Variants in PCDHA6 observed in about 807,000 individuals in gnomAD.
The protein encoded by PCDHA6 is protocadherin alpha-6.
A neutral mutation model predicts 60.3 loss-of-function variants in PCDHA6; 55 were observed. The observed-to-expected ratio is 0.91, with a 90% confidence interval of 0.73 to 1.14. The LOEUF (loss-of-function observed/expected upper bound fraction) is 1.14. Among genes scored for constraint, PCDHA6 ranks in the 50% most tolerant of loss-of-function variants. The pLI is 0.00. For synonymous variants in PCDHA6, 652 were observed against 557.9 expected, an observed-to-expected ratio of 1.17 and a Z score of -2.38; for missense variants, 1,327 against 1,256.5, an observed-to-expected ratio of 1.06 and a Z score of -0.85.
intron 1 of PCDHA6, among the ~76,000 whole-genome samples, chr5:140,899,683 T>A (rs1554188699): frequency 6.6e-6 from 1 of 152,222 alleles, no homozygotes; most frequent in African/African-American, 2.4e-5. Flanking sequence ...ATCAGGATGA[T>A]GCTGGCCTCA....
At chr5:140,880,173 C>T (rs2058257400) in intron 1 of PCDHA6, among the ~76,000 whole-genome samples, 1 of 152,006 alleles carries the variant, frequency 6.6e-6, no homozygotes, top group Non-Finnish European at 1.5e-5. Context: ...AGAAGTTAAA[C>T]ATGAAGGGAA....
intron 2 of PCDHA6, among the ~76,000 whole-genome samples, chr5:140,979,601 C>T (rs1214449101): frequency 1.3e-5 from 2 of 152,160 alleles, no homozygotes; most frequent in African/African-American, 4.8e-5. Context: ...TTTAAATTAA[C>T]CTAGAGTAAC....
At chr5:140,930,785 A>G (rs1485024316) in intron 1 of PCDHA6, among the ~76,000 whole-genome samples, 1 of 152,248 alleles carries the variant, frequency 6.6e-6, no homozygotes, top group Admixed American at 6.5e-5. Context: ...TTTTCACAAT[A>G]TAATAGAATC....
At chr5:140,841,071 T>G (rs2150310852) in intron 1 of PCDHA6, 1 of 492,430 alleles carries the variant, frequency 2.0e-6, no homozygotes, top group Non-Finnish European at 3.5e-6. Context: ...GATAAAGAAA[T>G]AGAAAGTGCA....
intron 1 of PCDHA6, among the ~76,000 whole-genome samples, chr5:140,900,299 GAC>G (rs1372785177): frequency 6.6e-6 from 1 of 151,604 alleles, no homozygotes; most frequent in Non-Finnish European, 1.5e-5. Flanking sequence ...TGTTTTTTTA[GAC>G]AGTCTCACTT....
At chr5:140,923,221 TTTGAGCCCAGAA>T (rs1584298069) in intron 1 of PCDHA6, among the ~76,000 whole-genome samples, 1 of 71,862 alleles carries the variant, frequency 1.4e-5, no homozygotes, top group Non-Finnish European at 3.3e-5. Flanking sequence ...GAAAGGATCG[TTTGAGCCCAGAA>T]GTTTGAGACC....
chr5:140,904,613 T>C (rs1554191625), intron 1 of PCDHA6, among the ~76,000 whole-genome samples: 2 of 152,112 alleles, frequency 1.3e-5, no homozygotes, highest in African/African-American at 2.4e-5. Context: ...ATAGTAGTTT[T>C]ACTTTTAGTT....
intron 1 of PCDHA6, chr5:140,851,724 A>G: frequency 1.0e-6 from 1 of 967,484 alleles, no homozygotes; most frequent in Non-Finnish European, 1.2e-6. Context: ...CGAAACTTCG[A>G]GTTCTTTTGA....
At chr5:140,902,331 C>A (rs1271812504) in intron 1 of PCDHA6, among the ~76,000 whole-genome samples, 1 of 151,712 alleles carries the variant, frequency 6.6e-6, no homozygotes, top group African/African-American at 2.4e-5. Flanking sequence ...ACTCACTTCG[C>A]CTGGCCTAGG....
chr5:140,848,335 G>GA (rs1397782811), intron 1 of PCDHA6: 5 of 865,392 alleles, frequency 5.8e-6, no homozygotes, highest in South Asian at 1.7e-5. Flanking sequence ...TCTGAATCCA[G>GA]ACAAATACAG....
intron 1 of PCDHA6, among the ~76,000 whole-genome samples, chr5:140,976,735 T>G (rs1412647375): frequency 1.3e-5 from 2 of 152,160 alleles, no homozygotes; most frequent in Non-Finnish European, 2.9e-5. Flanking sequence ...TTAAACACAT[T>G]TTAAAAACCT....
intron 1 of PCDHA6, chr5:140,849,333 T>G: frequency 2.9e-6 from 4 of 1,383,164 alleles, no homozygotes; most frequent in Non-Finnish European, 4.0e-6. Context: ...TATTATTTAC[T>G]CCTTCTCCAG....
Position 141,000,418 on chromosome 5 carries a change from TA to T in PCDHA6, c.2543-9208del, listed in dbSNP as rs1328416600. 5.1e-3 allele frequency among the ~76,000 whole-genome samples: 429 copies of T among 83,548 alleles called. 3 individuals carry two copies. The highest frequency in any genetic ancestry group is 6.3e-3 in the Non-Finnish European group (284 of 45,190). 54.8% of individuals were successfully genotyped at this position (83,548 alleles called of 152,430 possible). A position where few individuals can be genotyped will look rare whatever the true frequency, so the allele number is the denominator to read the frequency against. ...CTCTATATATATATATATATATATA[TA>T]TATTTTTTTTTTTTTTTTTTTTTTT... On this transcript the variant is annotated intron_variant, in intron 3 of 3. Transcript: ENST00000529310.
Position 140,883,457 on chromosome 5 carries a change from C to T in PCDHA6, c.2394+52972C>T, listed in dbSNP as rs142331981. Reference sequence around the variant, plus strand: ...CTTGACGCCGCATGTCCCCTTCAAGCTGGTGTCCACCTACAAGAACTACTA... The same window carrying T: ...CTTGACGCCGCATGTCCCCTTCAAGTTGGTGTCCACCTACAAGAACTACTA... On this transcript the variant is annotated intron_variant, in intron 1 of 3. Coordinates refer to ENST00000529310, the MANE Select transcript of PCDHA6 (RefSeq NM_018909.4). 3.6e-4 allele frequency: 576 copies of T among 1,614,196 alleles called. 4 individuals are homozygous for T. In the African/African-American group the frequency reaches 6.4e-3, roughly 18 times the overall value.
chr5:140,842,323 C>A (rs2150334082), intron 1 of PCDHA6: 2 of 1,607,134 alleles, frequency 1.2e-6, no homozygotes. Flanking sequence ...CGGGTCATTG[C>A]ACCGTTTTAG....
chr5:140,948,645 C>T (rs1468901970), intron 1 of PCDHA6, among the ~76,000 whole-genome samples: 1 of 151,562 alleles, frequency 6.6e-6, no homozygotes. Flanking sequence ...CATCTTTTAA[C>T]GTCTGTATAA....
chr5:140,972,294 C>T (rs944183626), intron 1 of PCDHA6, among the ~76,000 whole-genome samples: 14 of 151,458 alleles, frequency 9.2e-5, no homozygotes, highest in South Asian at 2.1e-4. Context: ...TGTGCGCCAC[C>T]GTGTCTGACT....
chr5:140,851,336 A>C, intron 1 of PCDHA6: 1 of 979,180 alleles, frequency 1.0e-6, no homozygotes, highest in Non-Finnish European at 1.2e-6. Context: ...GTAGTTCTCT[A>C]CATTTCTCTG....
intron 1 of PCDHA6, chr5:140,857,774 G>T: frequency 6.3e-7 from 1 of 1,597,758 alleles, no homozygotes; most frequent in Non-Finnish European, 8.6e-7. Flanking sequence ...GGGCGGTGCA[G>T]TCAGTGAGCT....
Sources: allele counts gnomAD v4.1 joint callset (sites outside exome capture counted in the v4.1 genomes callset), GRCh38; gene constraint gnomAD v4.1.1; transcripts MANE v1.5; gene names NCBI Gene and HGNC (gene_info 2026-07-23, HGNC 2026-07-21).